Variants in CTNNBIP1 observed in about 807,000 individuals in gnomAD.
CTNNBIP1 encodes the protein catenin beta interacting protein 1, also known as beta-catenin-interacting protein 1.
Under a neutral mutation model 11.8 loss-of-function variants are expected in CTNNBIP1, and 7 were observed. That is an observed-to-expected ratio of 0.60 (90% CI 0.34 to 1.12). CTNNBIP1 has a LOEUF of 1.12. Ranked by LOEUF, CTNNBIP1 falls within the 50% of genes most tolerant of loss-of-function variation. CTNNBIP1 has a pLI of 0.03. For missense variants in CTNNBIP1, 101 were observed against 113.4 expected (o/e 0.89, Z 0.50); for synonymous variants, 58 against 43.9 (o/e 1.32, Z -1.26).
rs1371142601 is a variant in CTNNBIP1 at position 9,850,762 on chromosome 1, C to T, written c.202G>A (p.Val68Met). ...HSIDQGAEDVVMAFSRSETED... is the reference protein window; with the variant it reads ...HSIDQGAEDVMMAFSRSETED... ...GTCTCCGACCTGGAAAACGCCATCACCACGTCCTCTGCACCTGCAGATAAG... is the reference window on the plus strand; with the variant it reads ...GTCTCCGACCTGGAAAACGCCATCATCACGTCCTCTGCACCTGCAGATAAG... Residue 68 changes from valine (V) to methionine (M), a missense_variant, in exon 6 of 6, where the codon GTG (valine) becomes ATG (methionine). By Grantham distance (21) the Val-to-Met change is conservative (BLOSUM62 1). Coordinates refer to ENST00000377263, the MANE Select transcript of CTNNBIP1 (RefSeq NM_020248.3). 5 of 1,613,786 alleles carry T rather than the reference C, an allele frequency of 3.1e-6. No individual in the cohort carries two copies. In the Admixed American group the frequency reaches 6.7e-5, roughly 22 times the overall value.
chr1:9,869,998 G>A (rs1035937277), intron 5 of CTNNBIP1, among the ~76,000 whole-genome samples: 16 of 152,380 alleles, frequency 1.1e-4, no homozygotes, highest in African/African-American at 3.6e-4. Flanking sequence ...GTGGTGAGCT[G>A]CTGTCCCAGG....
chr1:9,895,382 G>A (rs1401790919), intron 1 of CTNNBIP1, among the ~76,000 whole-genome samples: 1 of 147,180 alleles, frequency 6.8e-6, no homozygotes, highest in Non-Finnish European at 1.5e-5. Flanking sequence ...TATTGCAGTT[G>A]AGATGGGGTT....
At chr1:9,906,724 G>A (rs961663724) in intron 1 of CTNNBIP1, among the ~76,000 whole-genome samples, 3 of 152,190 alleles carry the variant, frequency 2.0e-5, no homozygotes, top group Non-Finnish European at 2.9e-5. Context: ...AGACACTGCT[G>A]GGTTTACACT....
intron 1 of CTNNBIP1, among the ~76,000 whole-genome samples, chr1:9,887,871 C>G (rs1639217575): frequency 6.6e-6 from 1 of 151,738 alleles, no homozygotes; most frequent in Admixed American, 6.6e-5. Flanking sequence ...GTCACCCAGG[C>G]TGGAGTGCAG....
chr1:9,877,471 C>A (rs544949161), intron 3 of CTNNBIP1, among the ~76,000 whole-genome samples: 4 of 152,304 alleles, frequency 2.6e-5, no homozygotes, highest in African/African-American at 7.2e-5. Flanking sequence ...TAAGCTCAGG[C>A]GAGGCCAGGG....
At chr1:9,876,214 C>G (rs551343803) in intron 3 of CTNNBIP1, among the ~76,000 whole-genome samples, 3 of 152,312 alleles carry the variant, frequency 2.0e-5, no homozygotes, top group African/African-American at 7.2e-5. Flanking sequence ...GGTCTCTTGG[C>G]TATTCCCATA....
At chr1:9,890,507 C>T (rs907384116) in intron 1 of CTNNBIP1, among the ~76,000 whole-genome samples, 1 of 152,208 alleles carries the variant, frequency 6.6e-6, no homozygotes, top group Non-Finnish European at 1.5e-5. Flanking sequence ...AAGTCAGGAA[C>T]CAGCACGCCT....
chr1:9,879,281 G>A (rs1392308087), intron 2 of CTNNBIP1, among the ~76,000 whole-genome samples: 1 of 152,068 alleles, frequency 6.6e-6, no homozygotes, highest in East Asian at 1.9e-4. Context: ...GCCCTGTAGT[G>A]GGGGAAAGGC....
At chr1:9,881,842 G>T (rs143358934) in intron 2 of CTNNBIP1, among the ~76,000 whole-genome samples, 8 of 152,176 alleles carry the variant, frequency 5.3e-5, no homozygotes, top group African/African-American at 1.7e-4. Context: ...AACCAGGCTT[G>T]GGGAGCACAA....
chr1:9,879,264 G>A (rs948398298), intron 2 of CTNNBIP1, among the ~76,000 whole-genome samples: 10 of 151,994 alleles, frequency 6.6e-5, no homozygotes, highest in African/African-American at 1.5e-4. Context: ...AGGGCTCTCC[G>A]CTGTCAGCCC....
intron 5 of CTNNBIP1, among the ~76,000 whole-genome samples, chr1:9,857,420 G>A (rs1638530248): frequency 6.6e-6 from 1 of 151,558 alleles, no homozygotes; most frequent in African/African-American, 2.4e-5. Context: ...GAACCCGGGA[G>A]GCAGAGCTTG....
intron 1 of CTNNBIP1, among the ~76,000 whole-genome samples, chr1:9,905,388 C>T (rs1639596535): frequency 6.6e-6 from 1 of 152,012 alleles, no homozygotes; most frequent in African/African-American, 2.4e-5. Flanking sequence ...TTTCTATCTT[C>T]TGTTTTATTT....
intron 1 of CTNNBIP1, among the ~76,000 whole-genome samples, chr1:9,897,769 G>A (rs1447548413): frequency 2.0e-5 from 3 of 152,232 alleles, no homozygotes; most frequent in African/African-American, 4.8e-5. Flanking sequence ...CGCTGAGATC[G>A]TGCCACTGTA....
intron 1 of CTNNBIP1, among the ~76,000 whole-genome samples, chr1:9,889,561 T>C (rs1403704600): frequency 1.3e-5 from 2 of 152,148 alleles, no homozygotes; most frequent in Non-Finnish European, 2.9e-5. Flanking sequence ...CTCACAGATG[T>C]TCTCTGCTCT....
intron 1 of CTNNBIP1, among the ~76,000 whole-genome samples, chr1:9,897,415 C>T (rs1453915096): frequency 6.6e-6 from 1 of 151,100 alleles, no homozygotes; most frequent in Non-Finnish European, 1.5e-5. Context: ...GATCGCTCCA[C>T]TGCACTCTAG....
intron 1 of CTNNBIP1, among the ~76,000 whole-genome samples, chr1:9,899,763 AAAAGAAAGAAAG>A (rs58501900): frequency 2.0e-5 from 3 of 150,470 alleles, no homozygotes; most frequent in Non-Finnish European, 3.0e-5. Flanking sequence ...GTCTCAAAAA[AAAAGAAAGAAAG>A]AAAGAAAGAA....
At position 9,871,721 on chromosome 1, in the gene CTNNBIP1, C is replaced by T. The variant is rs1226722870; in HGVS notation, c.96+248G>A. Among the ~76,000 whole-genome samples, 2 of 152,202 alleles carry T rather than the reference C, an allele frequency of 1.3e-5. No homozygotes were observed. Among genetic ancestry groups the T allele is most frequent in the Non-Finnish European group, 2.9e-5 (2 of 68,024 alleles). Reference sequence around the variant, plus strand: ...AGGGGGAGAAAAGGAAGGTCAGGGCCTTGAGACCCTCACCCGCCTGGCCCC... The same window carrying T: ...AGGGGGAGAAAAGGAAGGTCAGGGCTTTGAGACCCTCACCCGCCTGGCCCC... On this transcript the variant is annotated intron_variant, in intron 4 of 5. Coordinates refer to ENST00000377263, the MANE Select transcript of CTNNBIP1 (RefSeq NM_020248.3). This position sits in a 1 kb window ranked among gnomAD's most constrained non-coding sequence, Gnocchi z 5.2.
chr1:9,875,342 G>A (rs980607122), intron 3 of CTNNBIP1, among the ~76,000 whole-genome samples: 2 of 152,258 alleles, frequency 1.3e-5, no homozygotes, highest in African/African-American at 2.4e-5. Context: ...GTACACAGTA[G>A]GTGCTTCCCA....
intron 1 of CTNNBIP1, among the ~76,000 whole-genome samples, chr1:9,895,743 C>T (rs1639397033): frequency 6.6e-6 from 1 of 152,108 alleles, no homozygotes; most frequent in Non-Finnish European, 1.5e-5. Context: ...GTGATCCACC[C>T]GCCTTGGCCT....
Sources: gnomAD v4.1 joint callset for allele counts (sites outside exome capture counted in the v4.1 genomes callset) on GRCh38, gnomAD v4.1.1 for gene constraint, Gnocchi (gnomAD v3.1) non-coding constraint, MANE v1.5 for transcripts, NCBI Gene and HGNC (gene_info 2026-07-23, HGNC 2026-07-21) for gene names.